Variants in RNF150 observed in about 807,000 individuals in gnomAD.
RNF150 encodes the protein ring finger protein 150.
In RNF150, 24 loss-of-function variants were observed where a neutral mutation model predicts 39.3. The ratio of observed to expected loss-of-function variants is 0.61; its 90% CI spans 0.44 to 0.86. The LOEUF (loss-of-function observed/expected upper bound fraction) is 0.86, where lower values mean the gene tolerates loss of function less well. Ranked by LOEUF, RNF150 falls within the 40% of genes least tolerant of loss-of-function variation. The pLI is 0.00. For missense variants in RNF150, 502 were observed against 587.8 expected, an observed-to-expected ratio of 0.85 and a Z score of 1.51; for synonymous variants, 255 against 227.3, an observed-to-expected ratio of 1.12 and a Z score of -1.10.
At chr4:141,117,972 C>T (rs903041325) in intron 1 of RNF150, among the ~76,000 whole-genome samples, 5 of 152,196 alleles carry the variant, frequency 3.3e-5, no homozygotes, top group Non-Finnish European at 7.3e-5. Context: ...AGTGTGTTCT[C>T]CCAAGAGAAG....
intron 4 of RNF150, among the ~76,000 whole-genome samples, chr4:140,935,046 A>ATATATATATAAT (rs56284933): frequency 2.3e-4 from 22 of 93,648 alleles, no homozygotes; most frequent in African/African-American, 1.0e-3. Flanking sequence ...TATATATATA[A>ATATATATATAAT]ATATATATAT....
At chr4:140,947,025 C>G (rs1296867106) in intron 4 of RNF150, among the ~76,000 whole-genome samples, 1 of 152,062 alleles carries the variant, frequency 6.6e-6, no homozygotes, top group South Asian at 2.1e-4. Context: ...ATTCAGACAA[C>G]TTCTCAGTGA....
At chr4:140,930,919 G>GCCGTGGAAAGA (rs1731609440) in intron 4 of RNF150, among the ~76,000 whole-genome samples, 1 of 151,600 alleles carries the variant, frequency 6.6e-6, no homozygotes, top group Admixed American at 6.6e-5. Context: ...CAATGGAAAG[G>GCCGTGGAAAGA]TTGCACTCCT....
chr4:141,057,817 G>A (rs917852679), intron 1 of RNF150, among the ~76,000 whole-genome samples: 15 of 152,092 alleles, frequency 9.9e-5, no homozygotes, highest in African/African-American at 3.1e-4. Flanking sequence ...CTGTCCCATC[G>A]ATAAGACCAA....
At chr4:141,091,777 C>G (rs1418783279) in intron 1 of RNF150, among the ~76,000 whole-genome samples, 1 of 151,966 alleles carries the variant, frequency 6.6e-6, no homozygotes, top group Non-Finnish European at 1.5e-5. Flanking sequence ...TAAGACAGAC[C>G]CACTGACTCA....
At chr4:141,154,622 T>C (rs1017826441) in intron 1 of RNF150, among the ~76,000 whole-genome samples, 1 of 152,232 alleles carries the variant, frequency 6.6e-6, no homozygotes, top group Non-Finnish European at 1.5e-5. Flanking sequence ...AATATGCCCC[T>C]GTGCAACACA....
chr4:140,878,350 T>G (rs114523502), intron 6 of RNF150, among the ~76,000 whole-genome samples: 2,253 of 152,058 alleles, frequency 0.015, 60 homozygotes, highest in African/African-American at 0.049. Flanking sequence ...TTTGTACTTG[T>G]AGTAGAGATG....
At chr4:141,189,911 C>G (rs1182888618) in intron 1 of RNF150, among the ~76,000 whole-genome samples, 1 of 152,154 alleles carries the variant, frequency 6.6e-6, no homozygotes, top group African/African-American at 2.4e-5. Context: ...GTGAATGGTT[C>G]TGTTTTGCTG....
At chr4:140,978,151 A>C (rs968294021) in intron 1 of RNF150, among the ~76,000 whole-genome samples, 1 of 152,172 alleles carries the variant, frequency 6.6e-6, no homozygotes, top group African/African-American at 2.4e-5. Context: ...TTTCTCCAGA[A>C]GACCTGCAAG....
chr4:140,918,069 A>G lies in RNF150; in HGVS notation c.988-6715T>C, dbSNP rs200424620. On this transcript the variant is annotated intron_variant, in intron 5 of 6. Coordinates refer to ENST00000515673, the MANE Select transcript of RNF150 (RefSeq NM_020724.2). ...GTGTAGAGGGAAATTTATAGCACTA[A>G]ATGCCCACAAGAGAAAGCAGGCAAG... Among the ~76,000 whole-genome samples the G allele has an allele frequency of 2.3e-3, 348 of 152,156 alleles. 8 individuals carry two copies. The East Asian group carries it at 0.056, about 25-fold the overall frequency.
intron 5 of RNF150, among the ~76,000 whole-genome samples, chr4:140,915,832 C>G (rs1343671783): frequency 6.6e-6 from 1 of 152,174 alleles, no homozygotes; most frequent in Non-Finnish European, 1.5e-5. Context: ...CGGCCGGGTA[C>G]TCGTCTGAGA....
intron 6 of RNF150, among the ~76,000 whole-genome samples, chr4:140,886,812 A>G (rs1455628633): frequency 6.6e-6 from 1 of 152,154 alleles, no homozygotes; most frequent in East Asian, 1.9e-4. Context: ...ATTTTGATAA[A>G]GGCCAACATA....
At chr4:140,912,606 G>C (rs1425442) in intron 5 of RNF150, among the ~76,000 whole-genome samples, 148,415 of 152,304 alleles carry the variant, frequency 0.97, 72,432 homozygotes, top group East Asian at 1. Context: ...TCCTAGTGTT[G>C]TGCTCTTAGC....
intron 2 of RNF150, among the ~76,000 whole-genome samples, chr4:140,959,004 A>G (rs1241671824): frequency 2.0e-5 from 3 of 152,192 alleles, no homozygotes; most frequent in Non-Finnish European, 4.4e-5. Context: ...AGAGTCTGAT[A>G]TAAAAGGTTT....
At chr4:140,916,566 T>C (rs981938545) in intron 5 of RNF150, among the ~76,000 whole-genome samples, 11 of 152,202 alleles carry the variant, frequency 7.2e-5, no homozygotes, top group Non-Finnish European at 1.5e-4. Flanking sequence ...CTACGTCTAA[T>C]TGGTGTACCT....
intron 2 of RNF150, among the ~76,000 whole-genome samples, chr4:140,964,593 G>A (rs1301457022): frequency 6.6e-6 from 1 of 152,024 alleles, no homozygotes; most frequent in Non-Finnish European, 1.5e-5. Context: ...ATTAATAAAT[G>A]CTGAAAAGTG....
intron 1 of RNF150, among the ~76,000 whole-genome samples, chr4:141,164,063 G>A (rs2660440): frequency 0.37 from 56,633 of 151,676 alleles, 12,940 homozygotes; most frequent in Non-Finnish European, 0.5. Flanking sequence ...TTGATAAAAC[G>A]TTACAGGAAC....
intron 4 of RNF150, among the ~76,000 whole-genome samples, chr4:140,946,175 G>C (rs1156785600): frequency 3.3e-5 from 5 of 152,202 alleles, no homozygotes; most frequent in African/African-American, 1.2e-4. Flanking sequence ...GACGGCTTTG[G>C]CTGGGGCCAC....
intron 1 of RNF150, among the ~76,000 whole-genome samples, chr4:141,189,535 T>C (rs1728069308): frequency 6.6e-6 from 1 of 152,160 alleles, no homozygotes; most frequent in Non-Finnish European, 1.5e-5. Flanking sequence ...CCCAGGGAGA[T>C]GAGAGTTTTA....
Sources: gnomAD v4.1 joint callset for allele counts (sites outside exome capture counted in the v4.1 genomes callset) on GRCh38, gnomAD v4.1.1 for gene constraint, MANE v1.5 for transcripts, NCBI Gene and HGNC (gene_info 2026-07-23, HGNC 2026-07-21) for gene names.